Variants in PCDHA8 observed in about 807,000 individuals in gnomAD.
The protein encoded by PCDHA8 is protocadherin alpha-8.
In PCDHA8, 53 loss-of-function variants were observed where a neutral mutation model predicts 61.8. The observed-to-expected ratio is 0.86, with a 90% CI of 0.69 to 1.08. The LOEUF (loss-of-function observed/expected upper bound fraction) is 1.08, where lower values mean the gene tolerates loss of function less well. PCDHA8 is among the 50% of genes least tolerant of loss of function. The pLI is 0.00. For synonymous variants in PCDHA8, 618 were observed against 556.6 expected, an observed-to-expected ratio of 1.11 and a Z score of -1.55; for missense variants, 1,293 against 1,245.0, an observed-to-expected ratio of 1.04 and a Z score of -0.58.
intron 1 of PCDHA8, chr5:140,857,668 C>T (rs1319713687): frequency 6.3e-7 from 1 of 1,596,856 alleles, no homozygotes. Flanking sequence ...GCGATGGGGG[C>T]GTGCCGCCTC....
rs144800443 is a variant in PCDHA8 at position 140,841,757 on chromosome 5, A to G, written c.436A>G (p.Arg146Gly). The G allele has an allele frequency of 7.4e-6, 12 of 1,613,818 alleles. No homozygotes were observed. Among genetic ancestry groups the G allele is most frequent in the African/African-American group, 1.3e-5 (1 of 74,884 alleles). ...KDQKLFVSES[R>G]MPDSRFPLEG... The stretch of plus-strand genomic sequence containing the variant: ...CCAAAAGCTGTTTGTTTCAGAATCC[A>G]GAATGCCAGACTCTCGGTTTCCGCT... The change falls in exon 1 of 4, where the codon AGA becomes GGA. Residue 146 changes from arginine (R) to glycine (G), a missense_variant. Physicochemically the swap from Arg to Gly is moderately radical, Grantham distance 125. Coordinates refer to ENST00000531613, the MANE Select transcript of PCDHA8 (RefSeq NM_018911.3).
At chr5:140,849,104 A>G in intron 1 of PCDHA8, 1 of 1,463,110 alleles carries the variant, frequency 6.8e-7, no homozygotes, top group Non-Finnish European at 9.3e-7. Flanking sequence ...TAGACAGAGA[A>G]GAAACTCCGG....
chr5:141,000,421 A>AT lies in PCDHA8; in HGVS notation c.2543-9183dup, dbSNP rs34755515. Reference sequence around the variant, plus strand: ...TATATATATATATATATATATATATATTTTTTTTTTTTTTTTTTTTTTTGA... The same window carrying AT: ...TATATATATATATATATATATATATATTTTTTTTTTTTTTTTTTTTTTTTGA... On this transcript the variant is annotated intron_variant, in intron 3 of 3. Transcript: ENST00000531613. 8.6e-3 allele frequency among the ~76,000 whole-genome samples: 241 copies of AT among 27,996 alleles called. 11 individuals carry two copies. The highest frequency in any genetic ancestry group is 9.4e-3 in the African/African-American group (53 of 5,644). The allele number at this position is 27,996 out of a possible 152,430, so 18.4% of individuals were successfully genotyped here.
chr5:140,841,215 G>C lies in PCDHA8; in HGVS notation c.-107G>C. 7.1e-7 allele frequency: 1 copy of C among 1,415,722 alleles called. No homozygotes were observed. Among genetic ancestry groups the C allele is most frequent in the African/African-American group, 1.4e-5 (1 of 69,356 alleles). The allele number at this position is 1,415,722 out of a possible 1,614,324, so 87.7% of individuals were successfully genotyped here. A position where few individuals can be genotyped will look rare whatever the true frequency, so the allele number is the denominator to read the frequency against. On this transcript the variant is annotated 5_prime_UTR_variant, in exon 1 of 4. Coordinates refer to ENST00000531613, the MANE Select transcript of PCDHA8 (RefSeq NM_018911.3). ...TTCTCTGACAGCATCTGTCTCTAAAGGCCGAACAACGGGAGATGCAGCGGA... is the reference window on the plus strand; with the variant it reads ...TTCTCTGACAGCATCTGTCTCTAAACGCCGAACAACGGGAGATGCAGCGGA...
At chr5:140,844,242 G>A (rs2150369958) in intron 1 of PCDHA8, among the ~76,000 whole-genome samples, 3,371 of 149,312 alleles carry the variant, frequency 0.023, 302 homozygotes, top group African/African-American at 0.077. Flanking sequence ...CACTATTGCC[G>A]TTTTAAGCAG....
chr5:140,919,795 A>G (rs1554199259), intron 1 of PCDHA8, among the ~76,000 whole-genome samples: 1 of 152,070 alleles, frequency 6.6e-6, no homozygotes, highest in East Asian at 1.9e-4. Context: ...CTTGTGGTGG[A>G]TTGAATTGTG....
At chr5:140,919,593 T>C (rs541275874) in intron 1 of PCDHA8, among the ~76,000 whole-genome samples, 1 of 152,214 alleles carries the variant, frequency 6.6e-6, no homozygotes, top group Non-Finnish European at 1.5e-5. Context: ...TGGTAATTTT[T>C]AAAATAAATT....
In PCDHA8 at chr5:140,851,512, GT is replaced by G. The variant is rs1354131042; in HGVS notation, c.2394+7801del. On this transcript the variant is annotated intron_variant, in intron 1 of 3. Coordinates refer to ENST00000531613, the MANE Select transcript of PCDHA8 (RefSeq NM_018911.3). ...CTTCATTTCAACTTATATAAAATAT[GT>G]TTTAAAATGCCTGACAATGTAGATA... The G allele has an allele frequency of 1.0e-5, 9 of 903,444 alleles. 1 individual carries two copies. The highest frequency in any genetic ancestry group is 1.8e-5 in the African/African-American group (1 of 55,438). 56.0% of individuals were successfully genotyped at this position (903,444 alleles called of 1,614,324 possible). A position where few individuals can be genotyped will look rare whatever the true frequency, so the allele number is the denominator to read the frequency against.
At chr5:140,903,329 G>A (rs2070195936) in intron 1 of PCDHA8, among the ~76,000 whole-genome samples, 1 of 152,160 alleles carries the variant, frequency 6.6e-6, no homozygotes, top group Non-Finnish European at 1.5e-5. Context: ...TTTTATTGAG[G>A]AAAGGATGCA....
chr5:140,959,320 A>C (rs2095480939), intron 1 of PCDHA8, among the ~76,000 whole-genome samples: 1 of 152,108 alleles, frequency 6.6e-6, no homozygotes, highest in Non-Finnish European at 1.5e-5. Context: ...AGCTGCAATA[A>C]GTTTTGATTA....
At chr5:140,872,266 T>C (rs1267974541) in intron 1 of PCDHA8, among the ~76,000 whole-genome samples, 2 of 152,208 alleles carry the variant, frequency 1.3e-5, no homozygotes, top group Non-Finnish European at 2.9e-5. Context: ...GTTTTCATAT[T>C]GTTTGAAGAA....
In PCDHA8 at chr5:140,969,463, C is replaced by G. The variant is rs549074334; in HGVS notation, c.2395-9486C>G. ...CTGGTAAACTGAGTATATATAGTAT[C>G]CACAATTTGATCATAATCTGCTATT... On this transcript the variant is annotated intron_variant, in intron 1 of 3. Coordinates refer to ENST00000531613, the MANE Select transcript of PCDHA8 (RefSeq NM_018911.3). 74 of 1,491,016 alleles carry G rather than the reference C, an allele frequency of 5.0e-5. No homozygotes were observed. In the South Asian group the frequency reaches 6.0e-4, roughly 12 times the overall value. The allele number at this position is 1,491,016 out of a possible 1,614,324, so 92.4% of individuals were successfully genotyped here.
intron 1 of PCDHA8, chr5:140,883,182 A>G (rs2059477264): frequency 6.2e-7 from 1 of 1,614,024 alleles, no homozygotes; most frequent in Non-Finnish European, 8.5e-7. Context: ...ATTAGGACAA[A>G]AGGCAAACTA....
chr5:140,910,972 G>T (rs533796834), intron 1 of PCDHA8, among the ~76,000 whole-genome samples: 1 of 152,124 alleles, frequency 6.6e-6, no homozygotes, highest in African/African-American at 2.4e-5. Flanking sequence ...CCTCCTCATG[G>T]GTTATACTCT....
intron 1 of PCDHA8, chr5:140,847,692 T>C (rs1011959129): frequency 1.3e-5 from 2 of 149,872 alleles, no homozygotes; most frequent in Non-Finnish European, 3.0e-5. Context: ...ACAACACATT[T>C]CTGGAAACAG....
chr5:140,959,370 T>C (rs1212787453), intron 1 of PCDHA8, among the ~76,000 whole-genome samples: 1 of 151,796 alleles, frequency 6.6e-6, no homozygotes, highest in African/African-American at 2.4e-5. Flanking sequence ...TGAGACCCTG[T>C]CTCAAAAAAA....
Position 140,966,719 on chromosome 5 carries a change from G to A in PCDHA8, c.2395-12230G>A, listed in dbSNP as rs373995406. On this transcript the variant is annotated intron_variant, in intron 1 of 3. Coordinates refer to ENST00000531613, the MANE Select transcript of PCDHA8 (RefSeq NM_018911.3). ...CCGGGCGTGGGGCACGGCTGGGGAA[G>A]CTGCCGCCTCCGGCCCTGCCCGGCT... 7.2e-6 allele frequency: 10 copies of A among 1,395,512 alleles called. No individual in the cohort carries two copies. The East Asian group carries it at 1.1e-4, about 16-fold the overall frequency. 86.4% of individuals were successfully genotyped at this position (1,395,512 alleles called of 1,614,324 possible).
In PCDHA8 at chr5:140,841,903, C is replaced by A; in HGVS notation, c.582C>A (p.Leu194=). 5 of 1,613,800 alleles carry A rather than the reference C, an allele frequency of 3.1e-6. No homozygotes were observed. Among genetic ancestry groups the A allele is most frequent in the Non-Finnish European group, 4.2e-6 (5 of 1,179,834 alleles). The change falls in exon 1 of 4, where the codon CTC becomes CTA. Residue 194 remains leucine (L), a synonymous_variant. Transcript: ENST00000531613. ...SKNDENKLVE[L]VLRKSLDRED... ...ACGATGAGAATAAACTGGTTGAGCT[C>A]GTATTAAGAAAATCCTTGGACAGAG...
chr5:140,896,536 CT>C (rs34213614), intron 1 of PCDHA8, among the ~76,000 whole-genome samples: 112 of 145,476 alleles, frequency 7.7e-4, no homozygotes, highest in Admixed American at 9.6e-4. Flanking sequence ...AGCTATTTTT[CT>C]TTTTTTTTTT....
Sources: gnomAD v4.1 joint callset for allele counts (sites outside exome capture counted in the v4.1 genomes callset) on GRCh38, gnomAD v4.1.1 for gene constraint, MANE v1.5 for transcripts, NCBI Gene and HGNC (gene_info 2026-07-23, HGNC 2026-07-21) for gene names.